Variants in CDK14 observed in about 807,000 individuals in gnomAD.
CDK14 encodes cyclin dependent kinase 14, also known as cyclin-dependent kinase 14.
A neutral mutation model predicts 60.7 loss-of-function variants in CDK14; 34 were observed. That is an observed-to-expected ratio of 0.56 (90% confidence interval 0.43 to 0.75). The LOEUF (loss-of-function observed/expected upper bound fraction) is 0.75. Among genes scored for constraint, CDK14 ranks in the 30% least tolerant of loss-of-function variants. The pLI is 0.00. For synonymous variants in CDK14, 197 were observed against 203.7 expected (o/e 0.97, Z 0.28); for missense variants, 482 against 564.1 (o/e 0.85, Z 1.47).
chr7:91,144,868 G>C (rs1800577967), intron 14 of CDK14, among the ~76,000 whole-genome samples: 2 of 152,136 alleles, frequency 1.3e-5, no homozygotes, highest in South Asian at 4.1e-4. Context: ...CTAGCATTTT[G>C]TTGCTACTAT....
intron 5 of CDK14, among the ~76,000 whole-genome samples, chr7:90,839,222 T>C (rs1236372667): frequency 6.6e-6 from 1 of 152,186 alleles, no homozygotes; most frequent in East Asian, 1.9e-4. Context: ...GTTCCAGGCA[T>C]TCATTTAAGA....
chr7:91,112,721 ACAT>A (rs1799501788), intron 13 of CDK14, 40 bp downstream of exon 13: 2 of 1,604,756 alleles, frequency 1.2e-6, no homozygotes, highest in Admixed American at 1.7e-5. Flanking sequence ...CCAAGCAGAC[ACAT>A]CATTTTATTT....
chr7:91,071,922 C>T (rs1025019899), intron 11 of CDK14, among the ~76,000 whole-genome samples: 5 of 152,232 alleles, frequency 3.3e-5, no homozygotes, highest in Non-Finnish European at 4.4e-5. Flanking sequence ...CCTCTTCAGA[C>T]CTGACCCTGA....
At chr7:90,836,611 G>T (rs1188369317) in intron 5 of CDK14, among the ~76,000 whole-genome samples, 3 of 152,080 alleles carry the variant, frequency 2.0e-5, no homozygotes, top group Non-Finnish European at 2.9e-5. Flanking sequence ...AGTAAAAGGA[G>T]TAAAGGCATA....
At chr7:90,939,818 G>A (rs1793862762) in intron 8 of CDK14, among the ~76,000 whole-genome samples, 1 of 152,182 alleles carries the variant, frequency 6.6e-6, no homozygotes, top group South Asian at 2.1e-4. Flanking sequence ...ATGCAGACAA[G>A]CCTGAGCTTT....
chr7:91,008,701 AAC>A (rs1162859699), intron 10 of CDK14, among the ~76,000 whole-genome samples: 1 of 152,196 alleles, frequency 6.6e-6, no homozygotes, highest in African/African-American at 2.4e-5. Context: ...AATTTTAAAT[AAC>A]AGTCATGAAA....
chr7:91,054,357 C>T (rs550684716), intron 11 of CDK14, among the ~76,000 whole-genome samples: 2 of 152,180 alleles, frequency 1.3e-5, no homozygotes, highest in South Asian at 4.2e-4. Context: ...TGACACAAGC[C>T]TTAGGGTATT....
chr7:90,840,715 C>A (rs1210179141), intron 5 of CDK14, among the ~76,000 whole-genome samples: 1 of 152,076 alleles, frequency 6.6e-6, no homozygotes, highest in Non-Finnish European at 1.5e-5. Context: ...TATCCTTTTT[C>A]CTGTTTTATT....
chr7:91,135,780 C>A (rs977249705), intron 14 of CDK14, among the ~76,000 whole-genome samples: 2 of 152,088 alleles, frequency 1.3e-5, no homozygotes, highest in African/African-American at 4.8e-5. Context: ...CCTTTGCCAG[C>A]ACAAAAGAAG....
intron 2 of CDK14, among the ~76,000 whole-genome samples, chr7:90,617,779 C>G (rs1799684583): frequency 6.6e-6 from 1 of 152,062 alleles, no homozygotes; most frequent in African/African-American, 2.4e-5. Flanking sequence ...GAGATGTAAA[C>G]TTGATCCTTC....
rs114819608 is a variant in CDK14, at chr7:90,976,902, C to T, written c.948-7246C>T. ...GTCGGTTGGGGAGATGGATTTGAGA[C>T]TTATCTCCCATCTGTACAGAAGCTT... is the stretch of plus-strand genomic sequence containing the variant. On this transcript the variant is annotated intron_variant, in intron 9 of 14. Coordinates refer to ENST00000380050, the MANE Select transcript of CDK14 (RefSeq NM_001287135.2). Among the ~76,000 whole-genome samples the T allele has an allele frequency of 7.8e-3, 1,190 of 152,202 alleles. 20 individuals carry two copies. The highest frequency in any genetic ancestry group is 0.028 in the African/African-American group (1,149 of 41,524).
chr7:90,709,887 G>A, intron 2 of CDK14: 3 of 1,308,136 alleles, frequency 2.3e-6, no homozygotes, highest in East Asian at 3.5e-5. Context: ...CTGGCCTGGT[G>A]CAAACACATT....
At chr7:90,913,643 A>G (rs950551857) in intron 7 of CDK14, among the ~76,000 whole-genome samples, 3 of 152,216 alleles carry the variant, frequency 2.0e-5, no homozygotes, top group African/African-American at 7.2e-5. Context: ...ATTGAAGAAT[A>G]TACGAGAATA....
chr7:91,207,672 C>T lies in CDK14; in HGVS notation c.*536C>T, dbSNP rs1016405989. On this transcript the variant is annotated 3_prime_UTR_variant, in exon 15 of 15. Coordinates refer to ENST00000380050, the MANE Select transcript of CDK14 (RefSeq NM_001287135.2). ...AAACCCCTGTTCTCTGACTTGACAA[C>T]TTGGCCCCGGACTGTGGGGCCCCAC... The T allele has an allele frequency of 6.6e-6, 1 of 152,648 alleles. No homozygotes were observed. Among genetic ancestry groups the T allele is most frequent in the Admixed American group, 6.5e-5 (1 of 15,290 alleles). 9.5% of individuals were successfully genotyped at this position (152,648 alleles called of 1,614,324 possible). A position where few individuals can be genotyped will look rare whatever the true frequency, so the allele number is the denominator to read the frequency against.
At chr7:91,109,543 A>G (rs1799414693) in intron 12 of CDK14, among the ~76,000 whole-genome samples, 3 of 152,162 alleles carry the variant, frequency 2.0e-5, no homozygotes, top group Non-Finnish European at 4.4e-5. Context: ...AGGTAAAGAG[A>G]AAAAAGGTAA....
intron 14 of CDK14, among the ~76,000 whole-genome samples, chr7:91,190,009 G>C (rs1422770054): frequency 6.6e-6 from 1 of 152,156 alleles, no homozygotes; most frequent in Non-Finnish European, 1.5e-5. Context: ...CATCTCCTTA[G>C]GATTGTTTTC....
chr7:90,908,780 G>C (rs1792797631), intron 7 of CDK14, among the ~76,000 whole-genome samples: 1 of 152,166 alleles, frequency 6.6e-6, no homozygotes, highest in East Asian at 1.9e-4. Flanking sequence ...TGAGAGGATG[G>C]AGAAAGAGGT....
At chr7:90,986,384 A>C (rs1795372461) in intron 10 of CDK14, among the ~76,000 whole-genome samples, 1 of 152,058 alleles carries the variant, frequency 6.6e-6, no homozygotes, top group East Asian at 1.9e-4. Context: ...CTATTTGTTC[A>C]TATCCATCCC....
At chr7:90,971,645 A>G (rs1271673954) in intron 9 of CDK14, among the ~76,000 whole-genome samples, 1 of 141,584 alleles carries the variant, frequency 7.1e-6, no homozygotes, top group African/African-American at 2.6e-5. Flanking sequence ...ATGACTGCAT[A>G]TACATAGTAA....
Sources: allele counts gnomAD v4.1 joint callset (sites outside exome capture counted in the v4.1 genomes callset), GRCh38; gene constraint gnomAD v4.1.1; transcripts MANE v1.5; gene names NCBI Gene and HGNC (gene_info 2026-07-23, HGNC 2026-07-21).